Variants in LRRC28 observed in about 807,000 individuals in gnomAD.
LRRC28 encodes the protein leucine rich repeat containing 28.
Under a neutral mutation model 45.7 loss-of-function variants are expected in LRRC28, and 39 were observed. The observed-to-expected ratio is 0.85, with a 90% CI of 0.66 to 1.12. The LOEUF is 1.12. Ranked by LOEUF, LRRC28 falls within the 50% of genes most tolerant of loss-of-function variation. LRRC28 has a pLI of 0.00. For missense variants in LRRC28, 435 were observed against 438.5 expected, an observed-to-expected ratio of 0.99 and a Z score of 0.07; for synonymous variants, 206 against 178.8, an observed-to-expected ratio of 1.15 and a Z score of -1.22.
chr15:99,314,263 G>A (rs1955513489), intron 5 of LRRC28, among the ~76,000 whole-genome samples: 1 of 151,956 alleles, frequency 6.6e-6, no homozygotes, highest in Non-Finnish European at 1.5e-5. Flanking sequence ...TGGGGAACAT[G>A]ATGAAACCCT....
chr15:99,293,847 T>C (rs776917939), intron 5 of LRRC28, among the ~76,000 whole-genome samples: 2 of 152,118 alleles, frequency 1.3e-5, no homozygotes, highest in Non-Finnish European at 1.5e-5. Flanking sequence ...GTATTTCCTT[T>C]AGTATTTGTT....
intron 6 of LRRC28, among the ~76,000 whole-genome samples, chr15:99,345,822 C>T (rs1048252864): frequency 1.2e-4 from 18 of 152,114 alleles, no homozygotes; most frequent in East Asian, 1.9e-4. Context: ...ACCTTGCAAC[C>T]GATAAGATTG....
rs766338889 is a variant in LRRC28 at position 99,282,177 on chromosome 15, G to GTTTTTTTTTTTTTTTTTTTTTTT, written c.210-5066_210-5065insTTTTTTTTTTTTTTTTTTTTTTT. On this transcript the variant is annotated intron_variant, in intron 3 of 9. Transcript: ENST00000301981. ...GGATTCCTTATGCAAATTTTTGGAG[G>GTTTTTTTTTTTTTTTTTTTTTTT]TTTTTTTTTTTTTTGTAGCAGTAGC... Among the ~76,000 whole-genome samples the GTTTTTTTTTTTTTTTTTTTTTTT allele has an allele frequency of 6.1e-3, 593 of 97,958 alleles. 87 individuals are homozygous for GTTTTTTTTTTTTTTTTTTTTTTT. The highest frequency in any genetic ancestry group is 0.014 in the African/African-American group (300 of 20,754). 64.3% of individuals were successfully genotyped at this position (97,958 alleles called of 152,430 possible).
Position 99,310,465 on chromosome 15 carries a change from T to C in LRRC28, c.385+22514T>C, listed in dbSNP as rs907885259. ...GGATCAGGCTGATAACACTAGAATC[T>C]ACTAGTTAATCTTAACTTCACTAGA... On this transcript the variant is annotated intron_variant, in intron 5 of 9. Transcript: ENST00000301981. 4.6e-5 allele frequency among the ~76,000 whole-genome samples: 7 copies of C among 152,318 alleles called. No homozygotes were observed. The East Asian group carries it at 9.6e-4, about 21-fold the overall frequency.
At chr15:99,354,022 A>T (rs893114101) in intron 7 of LRRC28, 1 of 152,232 alleles carries the variant, frequency 6.6e-6, no homozygotes, top group Non-Finnish European at 1.5e-5. Flanking sequence ...CTTTTTTATT[A>T]TTAAACTTTT....
Position 99,255,916 on chromosome 15 carries a change from A to C in LRRC28, c.-42A>C. On this transcript the variant is annotated 5_prime_UTR_variant, in exon 2 of 10. Coordinates refer to ENST00000301981, the MANE Select transcript of LRRC28 (RefSeq NM_144598.5). Reference sequence around the variant, plus strand: ...TTTATAGAAATGGACCAATTTTGACAAGATATAGTGCTGCAGCGTGCCTGA... The same window carrying C: ...TTTATAGAAATGGACCAATTTTGACCAGATATAGTGCTGCAGCGTGCCTGA... 3 of 1,538,532 alleles carry C rather than the reference A, an allele frequency of 1.9e-6. No individual in the cohort carries two copies. The highest frequency in any genetic ancestry group is 2.6e-6 in the Non-Finnish European group (3 of 1,146,862).
At chr15:99,294,115 T>C (rs192488478) in intron 5 of LRRC28, among the ~76,000 whole-genome samples, 139 of 152,318 alleles carry the variant, frequency 9.1e-4, no homozygotes, top group African/African-American at 3.2e-3. Flanking sequence ...CTTTAATCTT[T>C]TATCTTTATC....
chr15:99,339,019 C>T (rs1956417406), intron 6 of LRRC28, among the ~76,000 whole-genome samples: 1 of 152,152 alleles, frequency 6.6e-6, no homozygotes, highest in African/African-American at 2.4e-5. Context: ...TCACTTGAGC[C>T]TAGTGCTGTG....
chr15:99,339,104 T>G (rs1357852798), intron 6 of LRRC28, among the ~76,000 whole-genome samples: 22 of 134,182 alleles, frequency 1.6e-4, no homozygotes, highest in Non-Finnish European at 1.6e-5. Context: ...CTCAGAGAAC[T>G]GCAACTCATT....
At chr15:99,379,432 T>G (rs1386109875) in intron 9 of LRRC28, among the ~76,000 whole-genome samples, 1 of 152,152 alleles carries the variant, frequency 6.6e-6, no homozygotes, top group Non-Finnish European at 1.5e-5. Flanking sequence ...CTTCTCCCTT[T>G]TCTTCTTTAT....
intron 2 of LRRC28, among the ~76,000 whole-genome samples, chr15:99,271,877 G>A (rs936988500): frequency 1.3e-5 from 2 of 152,182 alleles, no homozygotes; most frequent in African/African-American, 2.4e-5. Flanking sequence ...GAGATTACAG[G>A]CTTGAGCCAC....
In LRRC28 at chr15:99,390,293, C is replaced by G. The variant is rs1333050454; in HGVS notation, c.*4191C>G. ...TTGCTTCACAGCCTTTGAAGTATGA[C>G]TGTATGTGTGGTCCCCTTGTACTTT... is the stretch of plus-strand genomic sequence containing the variant. On this transcript the variant is annotated 3_prime_UTR_variant, in exon 10 of 10. Coordinates refer to ENST00000301981, the MANE Select transcript of LRRC28 (RefSeq NM_144598.5). 6.6e-6 allele frequency: 1 copy of G among 152,230 alleles called. No individual in the cohort carries two copies. Among genetic ancestry groups the G allele is most frequent in the South Asian group, 2.1e-4 (1 of 4,832 alleles). The allele number at this position is 152,230 out of a possible 1,614,324, so 9.4% of individuals were successfully genotyped here.
chr15:99,330,775 T>G (rs987714932), intron 5 of LRRC28, among the ~76,000 whole-genome samples: 3 of 152,190 alleles, frequency 2.0e-5, no homozygotes, highest in Admixed American at 6.5e-5. Flanking sequence ...AGTCTACATA[T>G]CTTGTATTTT....
intron 6 of LRRC28, among the ~76,000 whole-genome samples, chr15:99,339,843 G>A (rs1046469176): frequency 1.3e-5 from 2 of 152,158 alleles, no homozygotes; most frequent in African/African-American, 2.4e-5. Context: ...AACTTTCTAC[G>A]AGGGAAAATT....
At chr15:99,363,441 T>A in intron 9 of LRRC28, 176 bp downstream of exon 9, 1 of 632,006 alleles carries the variant, frequency 1.6e-6, no homozygotes, top group Non-Finnish European at 2.6e-6. Context: ...AAAACTGGAC[T>A]TGCCTTTATT....
chr15:99,299,280 CA>C (rs1204701925), intron 5 of LRRC28, among the ~76,000 whole-genome samples: 1 of 152,026 alleles, frequency 6.6e-6, no homozygotes, highest in African/African-American at 2.4e-5. Flanking sequence ...ACCTTGATTT[CA>C]ATATATTTAA....
At chr15:99,367,736 C>A (rs1475240744) in intron 9 of LRRC28, among the ~76,000 whole-genome samples, 1 of 152,128 alleles carries the variant, frequency 6.6e-6, no homozygotes, top group Non-Finnish European at 1.5e-5. Context: ...ATTTTCATGC[C>A]TTCTCTGGGC....
intron 3 of LRRC28, among the ~76,000 whole-genome samples, chr15:99,282,034 C>G (rs767433185): frequency 6.6e-6 from 1 of 152,176 alleles, no homozygotes; most frequent in East Asian, 1.9e-4. Context: ...TCAAGTGATC[C>G]TCCTGCTTCA....
chr15:99,317,478 G>A (rs1310325552), intron 5 of LRRC28: 1 of 152,304 alleles, frequency 6.6e-6, no homozygotes, highest in East Asian at 1.9e-4. Context: ...TGAGAACATT[G>A]CTCTGAACTG....
Sources: allele counts gnomAD v4.1 joint callset (sites outside exome capture counted in the v4.1 genomes callset), GRCh38; gene constraint gnomAD v4.1.1; transcripts MANE v1.5; gene names NCBI Gene and HGNC (gene_info 2026-07-23, HGNC 2026-07-21).